THBS3: variants seen among roughly 807,000 people sequenced by gnomAD.
THBS3 encodes the protein thrombospondin 3.
Under a neutral mutation model 118.3 loss-of-function variants are expected in THBS3, and 78 were observed. The ratio of observed to expected loss-of-function variants is 0.66; its 90% CI spans 0.55 to 0.80. The LOEUF (loss-of-function observed/expected upper bound fraction) is 0.80. Among genes scored for constraint, THBS3 ranks in the 30% least tolerant of loss-of-function variants. THBS3 has a pLI of 0.00. For synonymous variants in THBS3, 427 were observed against 475.3 expected, an observed-to-expected ratio of 0.90 and a Z score of 1.32; for missense variants, 1,057 against 1,247.4, an observed-to-expected ratio of 0.85 and a Z score of 2.30.
chr1:155,199,739 A>G, intron 16 of THBS3, 65 bp downstream of exon 16: 1 of 1,578,998 alleles, frequency 6.3e-7, no homozygotes, highest in Non-Finnish European at 8.7e-7. Context: ...TAGGTGACAG[A>G]GCAAGACTCC....
Position 155,195,788 on chromosome 1 carries a change from C to T in THBS3, c.*53G>A. 5 of 1,595,840 alleles carry T rather than the reference C, an allele frequency of 3.1e-6. No individual in the cohort carries two copies. The highest frequency in any genetic ancestry group is 4.3e-6 in the Non-Finnish European group (5 of 1,170,694). ...TAGACCTCAGGGTCTCCAGGATGGA[C>T]CCCAAGGCCAAAGGGTCTAAAATTC... On this transcript the variant is annotated 3_prime_UTR_variant, in exon 23 of 23. Coordinates refer to ENST00000368378, the MANE Select transcript of THBS3 (RefSeq NM_007112.5).
chr1:155,200,466 C>T lies in THBS3; in HGVS notation c.1693G>A (p.Asp565Asn), dbSNP rs765708179. ...GNGEGDACDNDVDGDGIPNGL... is the reference protein window; with the variant it reads ...GNGEGDACDNNVDGDGIPNGL... ...AGGCCTGCACCATCCCCATCCACGT[C>T]GTTGTCACAGGCATCTCCTTCCCCA... Residue 565 changes from aspartate (D) to asparagine (N), a missense_variant, in exon 14 of 23, where the codon GAC (aspartate) becomes AAC (asparagine). Coordinates refer to ENST00000368378, the MANE Select transcript of THBS3 (RefSeq NM_007112.5). The T allele has an allele frequency of 1.4e-5, 23 of 1,614,032 alleles. No individual in the cohort carries two copies. Among genetic ancestry groups the T allele is most frequent in the Admixed American group, 5.0e-5 (3 of 60,000 alleles).
chr1:155,205,585 C>G, intron 2 of THBS3: 1 of 448,090 alleles, frequency 2.2e-6, no homozygotes, highest in Non-Finnish European at 4.0e-6. Context: ...CGAGAACAGC[C>G]TGGTCAACAT....
At chr1:155,199,238 G>A (rs1319533152) in intron 16 of THBS3, among the ~76,000 whole-genome samples, 4 of 150,710 alleles carry the variant, frequency 2.7e-5, no homozygotes, top group Admixed American at 2.0e-4. Context: ...GTGAAACCCC[G>A]TCTCTACTAA....
chr1:155,201,963 G>T lies in THBS3; in HGVS notation c.1170C>A (p.Asn390Lys). ...GGCDPNSICT[N>K]TVGSFKCGPC... Reference sequence around the variant, plus strand: ...CTCAGGATATTCAGCTCACCACAGTGTTGGTGCAGATGGAGTTTGGGTCAC... The same window carrying T: ...CTCAGGATATTCAGCTCACCACAGTTTTGGTGCAGATGGAGTTTGGGTCAC... The change falls in exon 10 of 23, where the codon AAC (asparagine) becomes AAA (lysine). Residue 390 changes from asparagine to lysine, a missense_variant. Physicochemically the swap from Asn to Lys is moderately conservative, Grantham distance 94 (BLOSUM62 0). This residue lies in a region of THBS3 where 544 missense variants were observed against 715.6 expected (regional missense o/e 0.76). Coordinates refer to ENST00000368378, the MANE Select transcript of THBS3 (RefSeq NM_007112.5). 1.2e-6 allele frequency: 2 copies of T among 1,614,038 alleles called. No individual in the cohort carries two copies. Among genetic ancestry groups the T allele is most frequent in the Non-Finnish European group, 1.7e-6 (2 of 1,180,020 alleles).
In THBS3 at chr1:155,206,486, C is replaced by A. The variant is rs1311033442; in HGVS notation, c.80-80G>T. 4.8e-6 allele frequency: 6 copies of A among 1,242,316 alleles called. No homozygotes were observed. The East Asian group carries it at 1.5e-4, about 32-fold the overall frequency. The allele number at this position is 1,242,316 out of a possible 1,614,324, so 77.0% of individuals were successfully genotyped here. On this transcript the variant is annotated intron_variant, in intron 1 of 22. Transcript: ENST00000368378. The surrounding 1 kb of genome is among the most constrained non-coding windows in gnomAD (Gnocchi z 4.2). ...CCCTCCCCCGAGCCCACATCACCCC[C>A]TACCCCCACCACCAGGCAGCGTTAG...
At position 155,205,103 on chromosome 1, in the gene THBS3, C is replaced by T. The variant is rs1397317496; in HGVS notation, c.500G>A (p.Gly167Glu). The T allele has an allele frequency of 6.2e-7, 1 of 1,614,112 alleles. No homozygotes were observed. Among genetic ancestry groups the T allele is most frequent in the Admixed American group, 1.7e-5 (1 of 60,014 alleles). ...LAPIPPAEVDGLEIRTGQKAY... is the reference protein window; with the variant it reads ...LAPIPPAEVDELEIRTGQKAY... ...CTTCTGTCCAGTCCTAATCTCCAGC[C>T]CATCGACCTCCGCTGGAGGAATGGG... The change falls in exon 3 of 23, where the codon GGG (glycine) becomes GAG (glutamate). Residue 167 changes from glycine to glutamate, a missense_variant. Gly to Glu is a moderately conservative substitution (Grantham distance 98). Coordinates refer to ENST00000368378, the MANE Select transcript of THBS3 (RefSeq NM_007112.5).
intron 14 of THBS3, 152 bp from the exon 15 acceptor site, chr1:155,200,265 G>T: frequency 3.0e-6 from 3 of 984,330 alleles, no homozygotes; most frequent in East Asian, 2.5e-5. Context: ...TCCACACTCT[G>T]CCTAACACTA....
In THBS3 at chr1:155,199,784, T is replaced by A. The variant is rs910490786; in HGVS notation, c.1880+20A>T. 1.2e-6 allele frequency: 2 copies of A among 1,613,786 alleles called. No individual in the cohort carries two copies. The highest frequency in any genetic ancestry group is 1.7e-5 in the Admixed American group (1 of 59,976). ...AGACAAAAAAAAGAAAGACCTTGCGTCTCTTGACCAAGACCTTACCTGTCT... is the reference window on the plus strand; with the variant it reads ...AGACAAAAAAAAGAAAGACCTTGCGACTCTTGACCAAGACCTTACCTGTCT... On this transcript the variant is annotated intron_variant, in intron 16 of 22. Transcript: ENST00000368378.
At chr1:155,198,810 T>G in intron 16 of THBS3, 1 of 566,828 alleles carries the variant, frequency 1.8e-6, no homozygotes, top group Admixed American at 3.2e-5. Flanking sequence ...TAAGGCTAAA[T>G]CATAGAAGGA....
chr1:155,205,765 A>C lies in THBS3; in HGVS notation c.286+435T>G, dbSNP rs2148023399. The stretch of plus-strand genomic sequence containing the variant: ...TGCACTCCAGCCTAGGTGACAAAGC[A>C]AGACTCCATTTAAAAAAATAATTGG... On this transcript the variant is annotated intron_variant, in intron 2 of 22. Coordinates refer to ENST00000368378, the MANE Select transcript of THBS3 (RefSeq NM_007112.5). Among the ~76,000 whole-genome samples, 6 of 152,340 alleles carry C rather than the reference A, an allele frequency of 3.9e-5. 2 individuals carry two copies. The highest frequency in any genetic ancestry group is 3.9e-4 in the Admixed American group (6 of 15,308).
Position 155,197,371 on chromosome 1 carries a change from G to A in THBS3, c.2499+92C>T, listed in dbSNP as rs990165076. 1.2e-5 allele frequency: 19 copies of A among 1,537,766 alleles called. No homozygotes were observed. The highest frequency in any genetic ancestry group is 2.2e-4 in the Middle Eastern group (1 of 4,472). On this transcript the variant is annotated intron_variant, in intron 20 of 22. Coordinates refer to ENST00000368378, the MANE Select transcript of THBS3 (RefSeq NM_007112.5). This position sits in a 1 kb window ranked among gnomAD's most constrained non-coding sequence, Gnocchi z 5.0. ...TCCAAGCCAGATGTCTGGGTAAGAG[G>A]GTTCCCAGTCAAGCAGTGGGGGAGG... is the stretch of plus-strand genomic sequence containing the variant.
upstream of THBS3, chr1:155,208,932 C>T (rs770138171): frequency 6.2e-6 from 10 of 1,610,604 alleles, no homozygotes; most frequent in Non-Finnish European, 8.5e-7. Context: ...AGACCCCGCT[C>T]TCCAGAGCCT....
rs374515100 is a variant in THBS3, at chr1:155,197,863, G to A, written c.2302+17C>T. ...TCCTCCATTTGGAAGTGATTGAACT[G>A]CATATCCCTTACATACCAACTGCCA... On this transcript the variant is annotated intron_variant, in intron 19 of 22. Transcript: ENST00000368378. The surrounding 1 kb of genome is among the most constrained non-coding windows in gnomAD (Gnocchi z 5.0). The A allele has an allele frequency of 9.9e-6, 16 of 1,613,818 alleles. No individual in the cohort carries two copies. Among genetic ancestry groups the A allele is most frequent in the African/African-American group, 1.3e-5 (1 of 74,868 alleles).
Position 155,197,111 on chromosome 1 carries a change from T to C in THBS3, c.2602A>G (p.Asn868Asp), listed in dbSNP as rs1321682903. The C allele has an allele frequency of 6.2e-7, 1 of 1,614,112 alleles. No homozygotes were observed. Among genetic ancestry groups the C allele is most frequent in the South Asian group, 1.1e-5 (1 of 91,088 alleles). The change falls in exon 21 of 23, where the codon AAT becomes GAT. Residue 868 changes from asparagine (N) to aspartate (D), a missense_variant. Physicochemically the swap from Asn to Asp is conservative, Grantham distance 23. This residue lies in a region of THBS3 where 307 missense variants were observed against 326.1 expected (regional missense o/e 0.94). Coordinates refer to ENST00000368378, the MANE Select transcript of THBS3 (RefSeq NM_007112.5). This position sits in a 1 kb window ranked among gnomAD's most constrained non-coding sequence, Gnocchi z 5.0. ...GAGGTCTTGTCCCGCCAGCCCACAT[T>C]TCGTGGGTCTGTCCACAGCAGTCGT... ...QVRLLWTDPR[N>D]VGWRDKTSYR...
rs369337037 is a variant in THBS3, at chr1:155,200,596, C to G, written c.1563G>C (p.Leu521=). The change falls in exon 14 of 23, where the codon CTG becomes CTC. Residue 521 remains leucine (L), a synonymous_variant. Transcript: ENST00000368378. Reference sequence around the variant, plus strand: ...AGTTCTGCTGGTCTTTGTTGGGGAACAGCCGGCAGTTGTCCTGGGCAGAGG... The same window carrying G: ...AGTTCTGCTGGTCTTTGTTGGGGAAGAGCCGGCAGTTGTCCTGGGCAGAGG... ...GIKNVEDNCR[L]FPNKDQQNSD... 2.5e-5 allele frequency: 41 copies of G among 1,614,118 alleles called. No homozygotes were observed. The Middle Eastern group carries it at 5.0e-4, about 19-fold the overall frequency.
chr1:155,197,639 C>T lies in THBS3; in HGVS notation c.2323G>A (p.Val775Met), dbSNP rs764556959. Reference sequence around the variant, plus strand: ...ACATGGAAGGTGCCTTCAAAGTCCACACCATTGAAGGCCGTGTATCCTGGG... The same window carrying T: ...ACATGGAAGGTGCCTTCAAAGTCCATACCATTGAAGGCCGTGTATCCTGGG... ...LAVGYTAFNGVDFEGTFHVNT... is the reference protein window; with the variant it reads ...LAVGYTAFNGMDFEGTFHVNT... The change falls in exon 20 of 23, where the codon GTG becomes ATG. Residue 775 changes from valine to methionine, a missense_variant. Val to Met is a conservative substitution (Grantham distance 21). This residue lies in a region of THBS3 where 307 missense variants were observed against 326.1 expected (regional missense o/e 0.94). Coordinates refer to ENST00000368378, the MANE Select transcript of THBS3 (RefSeq NM_007112.5). This position sits in a 1 kb window ranked among gnomAD's most constrained non-coding sequence, Gnocchi z 5.0. 2.8e-5 allele frequency: 43 copies of T among 1,557,738 alleles called. No homozygotes were observed. The highest frequency in any genetic ancestry group is 3.7e-5 in the Non-Finnish European group (42 of 1,129,788).
chr1:155,198,805 C>A, intron 16 of THBS3: 1 of 574,046 alleles, frequency 1.7e-6, no homozygotes. Flanking sequence ...AGAATTAAGG[C>A]TAAATCATAG....
Position 155,202,486 on chromosome 1 carries a change from G to T in THBS3, c.958-85C>A, listed in dbSNP as rs978571649. ...CTGTGATCCAGGAACCATTGCTCCA[G>T]GTCTCCCCTTTGTGCAGCTCTCCCC... is the stretch of plus-strand genomic sequence containing the variant. On this transcript the variant is annotated intron_variant, in intron 8 of 22. Coordinates refer to ENST00000368378, the MANE Select transcript of THBS3 (RefSeq NM_007112.5). This position sits in a 1 kb window ranked among gnomAD's most constrained non-coding sequence, Gnocchi z 5.5. 5.1e-6 allele frequency: 8 copies of T among 1,554,406 alleles called. No homozygotes were observed. The African/African-American group carries it at 1.1e-4, about 21-fold the overall frequency.
Sources: allele counts gnomAD v4.1 joint callset (sites outside exome capture counted in the v4.1 genomes callset), GRCh38; gene constraint gnomAD v4.1.1; regional missense constraint gnomAD v4.1.1; non-coding constraint Gnocchi (gnomAD v3.1); transcripts MANE v1.5; gene names NCBI Gene and HGNC (gene_info 2026-07-23, HGNC 2026-07-21).